The following ZER1 variants were observed in gnomAD, a reference collection of about 807,000 sequenced individuals.
The protein encoded by ZER1 is protein zer-1 homolog.
A neutral mutation model predicts 78.8 loss-of-function variants in ZER1; 11 were observed. The observed-to-expected ratio is 0.14, with a 90% CI of 0.09 to 0.23. The LOEUF is 0.23. Ranked by LOEUF, ZER1 falls within the 10% of genes least tolerant of loss-of-function variation. ZER1 has a pLI of 1.00. For missense variants in ZER1, 588 were observed against 996.9 expected (o/e 0.59, Z 5.52); for synonymous variants, 400 against 407.0 (o/e 0.98, Z 0.21).
intron 8 of ZER1, among the ~76,000 whole-genome samples, chr9:128,743,049 C>A (rs1383454974): frequency 1.3e-5 from 2 of 152,166 alleles, no homozygotes; most frequent in Non-Finnish European, 2.9e-5. Flanking sequence ...CTGTCCCTTC[C>A]TGATCATAAG....
At chr9:128,744,796 G>C (rs1000542959) in intron 8 of ZER1, among the ~76,000 whole-genome samples, 1 of 152,170 alleles carries the variant, frequency 6.6e-6, no homozygotes, top group Non-Finnish European at 1.5e-5. Context: ...GCTTTTTATA[G>C]AGATATTCTA....
chr9:128,742,825 G>A, intron 8 of ZER1, 80 bp from the exon 9 acceptor site: 1 of 1,416,858 alleles, frequency 7.1e-7, no homozygotes, highest in Non-Finnish European at 9.5e-7. Context: ...CTAGAGGTAT[G>A]AGCTCATCCA....
Position 128,755,184 on chromosome 9 carries a change from C to T in ZER1, c.158+224G>A, listed in dbSNP as rs189171940. Among the ~76,000 whole-genome samples, 19 of 152,250 alleles carry T rather than the reference C, an allele frequency of 1.2e-4. No individual in the cohort carries two copies. Among genetic ancestry groups the T allele is most frequent in the African/African-American group, 4.3e-4 (18 of 41,530 alleles). On this transcript the variant is annotated intron_variant, in intron 2 of 15. Transcript: ENST00000291900. This position sits in a 1 kb window ranked among gnomAD's most constrained non-coding sequence, Gnocchi z 5.6. ...ATGTGTACACACACCCATGCCTTCA[C>T]GTGCACACCCCTCCACACACACACC...
chr9:128,737,698 T>TTTC (rs370749592), intron 13 of ZER1, among the ~76,000 whole-genome samples: 1 of 152,076 alleles, frequency 6.6e-6, no homozygotes, highest in African/African-American at 2.4e-5. Context: ...CGATTCTTGT[T>TTTC]TTCTTCTTCT....
intron 13 of ZER1, 118 bp downstream of exon 13, chr9:128,739,813 C>T: frequency 1.6e-6 from 2 of 1,288,642 alleles, no homozygotes; most frequent in Admixed American, 2.2e-5. Context: ...GAAAGCAGAA[C>T]CCTACAGAAG....
chr9:128,761,978 G>A (rs28593055), intron 1 of ZER1, among the ~76,000 whole-genome samples: 7,619 of 152,172 alleles, frequency 0.05, 651 homozygotes, highest in African/African-American at 0.17. Flanking sequence ...ACCTGGTCTC[G>A]TGGAATCCCT....
chr9:128,767,527 G>C (rs1864254176), intron 1 of ZER1, among the ~76,000 whole-genome samples: 1 of 152,102 alleles, frequency 6.6e-6, no homozygotes, highest in South Asian at 2.1e-4. Context: ...TTACAGGTGT[G>C]AGCCACCGCA....
rs1473784587 is a variant in ZER1, at chr9:128,751,341, C to T, written c.1038+72G>A. The T allele has an allele frequency of 1.2e-6, 2 of 1,610,174 alleles. No individual in the cohort carries two copies. The highest frequency in any genetic ancestry group is 8.5e-7 in the Non-Finnish European group (1 of 1,177,018). The stretch of plus-strand genomic sequence containing the variant: ...GGATGCCAGATCCCAGCTCAGTCTC[C>T]AGCCCCAGAATCCAGCTCCTTCTCT... On this transcript the variant is annotated intron_variant, in intron 6 of 15. Coordinates refer to ENST00000291900, the MANE Select transcript of ZER1 (RefSeq NM_006336.4). This position sits in a 1 kb window ranked among gnomAD's most constrained non-coding sequence, Gnocchi z 5.4.
At chr9:128,739,541 C>T (rs983575881) in intron 13 of ZER1, among the ~76,000 whole-genome samples, 30 of 151,714 alleles carry the variant, frequency 2.0e-4, no homozygotes, top group Non-Finnish European at 5.9e-5. Flanking sequence ...ATCTTGGGCT[C>T]AAGTGATCCT....
chr9:128,733,633 T>G (rs1862918552), intron 14 of ZER1, 105 bp from the exon 15 acceptor site: 2 of 1,027,804 alleles, frequency 1.9e-6, no homozygotes, highest in Non-Finnish European at 2.9e-6. Flanking sequence ...GTCGGGGGTG[T>G]GAAGGCACAG....
Position 128,741,827 on chromosome 9 carries a change from C to T in ZER1, c.1590G>A (p.Leu530=). 6.2e-7 allele frequency: 1 copy of T among 1,614,224 alleles called. No homozygotes were observed. Among genetic ancestry groups the T allele is most frequent in the African/African-American group, 1.3e-5 (1 of 75,062 alleles). ...TCTTGTCCAGCAGCTTCTTCTGAAT[C>T]AGCTTCAGCATGGTCTGCAGGCAGG... ...KMGFVVTMLK[L]IQKKLLDKTC... is the part of the protein sequence containing the mutation. Residue 530 remains leucine, a synonymous_variant, in exon 10 of 16, where the codon CTG becomes CTA. Transcript: ENST00000291900.
chr9:128,741,099 A>G (rs908740318), intron 11 of ZER1, among the ~76,000 whole-genome samples: 1 of 152,212 alleles, frequency 6.6e-6, no homozygotes, highest in Non-Finnish European at 1.5e-5. Context: ...CCACAAAGAC[A>G]AAGGTTGATT....
chr9:128,736,333 G>T (rs1372423187), intron 13 of ZER1, among the ~76,000 whole-genome samples: 1 of 151,686 alleles, frequency 6.6e-6, no homozygotes, highest in Non-Finnish European at 1.5e-5. Context: ...TGATCCACCT[G>T]CCTTGGCCTC....
In ZER1 at chr9:128,731,177, C is replaced by A. The variant is rs1300315601; in HGVS notation, c.*160G>T. 1 of 409,466 alleles carries A rather than the reference C, an allele frequency of 2.4e-6. No homozygotes were observed. Among genetic ancestry groups the A allele is most frequent in the Non-Finnish European group, 4.4e-6 (1 of 228,302 alleles). 25.4% of individuals were successfully genotyped at this position (409,466 alleles called of 1,614,324 possible). On this transcript the variant is annotated 3_prime_UTR_variant, in exon 16 of 16. Coordinates refer to ENST00000291900, the MANE Select transcript of ZER1 (RefSeq NM_006336.4). ...ATATATATATATAATATATATATAT[C>A]TCACTAACATTAAGGAAAAGCGTCG...
chr9:128,748,585 T>C (rs1445498320), intron 8 of ZER1, among the ~76,000 whole-genome samples: 1 of 151,662 alleles, frequency 6.6e-6, no homozygotes, highest in Non-Finnish European at 1.5e-5. Flanking sequence ...TTTTTGTTTT[T>C]CTTTGTGACA....
At chr9:128,743,495 C>T (rs905976366) in intron 8 of ZER1, among the ~76,000 whole-genome samples, 2 of 152,118 alleles carry the variant, frequency 1.3e-5, no homozygotes, top group African/African-American at 4.8e-5. Context: ...CATCATGGCT[C>T]ACTGCAGCAT....
chr9:128,763,527 C>G (rs1402399219), intron 1 of ZER1, among the ~76,000 whole-genome samples: 1 of 152,222 alleles, frequency 6.6e-6, no homozygotes, highest in Non-Finnish European at 1.5e-5. Context: ...AGGTCCTTGA[C>G]CACATGGAGC....
Position 128,751,635 on chromosome 9 carries a change from A to G in ZER1, c.924-108T>C, listed in dbSNP as rs977450054. 1.5e-5 allele frequency: 13 copies of G among 842,000 alleles called. No homozygotes were observed. The highest frequency in any genetic ancestry group is 2.1e-5 in the Non-Finnish European group (11 of 521,274). 52.2% of individuals were successfully genotyped at this position (842,000 alleles called of 1,614,324 possible). A position where few individuals can be genotyped will look rare whatever the true frequency, so the allele number is the denominator to read the frequency against. On this transcript the variant is annotated intron_variant, in intron 5 of 15. Coordinates refer to ENST00000291900, the MANE Select transcript of ZER1 (RefSeq NM_006336.4). This position sits in a 1 kb window ranked among gnomAD's most constrained non-coding sequence, Gnocchi z 5.4. The stretch of plus-strand genomic sequence containing the variant: ...CTTGCTTTCTCTTCTAGGCCCTCCA[A>G]CCTCATCCCCTACTCCTTTTGTTTT...
At chr9:128,766,495 C>T (rs1462413790) in intron 1 of ZER1, among the ~76,000 whole-genome samples, 5 of 152,056 alleles carry the variant, frequency 3.3e-5, no homozygotes, top group African/African-American at 1.2e-4. Flanking sequence ...TGCAATTTGC[C>T]AGAGACTATG....
Sources: allele counts gnomAD v4.1 joint callset (sites outside exome capture counted in the v4.1 genomes callset), GRCh38; gene constraint gnomAD v4.1.1; non-coding constraint Gnocchi (gnomAD v3.1); transcripts MANE v1.5; gene names NCBI Gene and HGNC (gene_info 2026-07-23, HGNC 2026-07-21).